MAST4: variants seen among roughly 807,000 people sequenced by gnomAD.
The protein encoded by MAST4 is microtubule associated serine/threonine kinase family member 4, also known as microtubule-associated serine/threonine-protein kinase 4.
A neutral mutation model predicts 162.7 loss-of-function variants in MAST4; 89 were observed. The observed-to-expected ratio is 0.55, with a 90% CI of 0.46 to 0.65. The LOEUF (loss-of-function observed/expected upper bound fraction) is 0.65, where lower values mean the gene tolerates loss of function less well. Among genes scored for constraint, MAST4 ranks in the 30% least tolerant of loss-of-function variants. The probability of loss-of-function intolerance (pLI) is 0.00; values close to 1 mark genes in which losing one functional copy is unlikely to be tolerated. For synonymous variants in MAST4, 1,479 were observed against 1,361.1 expected, an observed-to-expected ratio of 1.09 and a Z score of -1.91; for missense variants, 3,153 against 3,374.0, an observed-to-expected ratio of 0.93 and a Z score of 1.62.
chr5:66,966,309 G>A (rs1383243672), intron 4 of MAST4, among the ~76,000 whole-genome samples: 1 of 152,168 alleles, frequency 6.6e-6, no homozygotes. Flanking sequence ...GCCTCACTCT[G>A]TATATGGAAT....
intron 1 of MAST4, among the ~76,000 whole-genome samples, chr5:66,640,309 C>CTTTTTTTTTTTTT (rs770087325): frequency 7.1e-6 from 1 of 139,918 alleles, no homozygotes. Context: ...CAATTTGTTT[C>CTTTTTTTTTTTTT]TTTTTTTTTT....
At chr5:67,057,465 G>A (rs773325986) in intron 5 of MAST4, among the ~76,000 whole-genome samples, 42 of 151,900 alleles carry the variant, frequency 2.8e-4, no homozygotes, top group Non-Finnish European at 5.6e-4. Flanking sequence ...TTTGTGTAGG[G>A]GTGTCAGCAG....
intron 3 of MAST4, among the ~76,000 whole-genome samples, chr5:66,864,229 A>G (rs1380284035): frequency 6.6e-6 from 1 of 152,206 alleles, no homozygotes; most frequent in Non-Finnish European, 1.5e-5. Flanking sequence ...GAGTGATGGG[A>G]GCATCCCTCT....
chr5:66,934,847 G>A (rs763115278), intron 4 of MAST4, among the ~76,000 whole-genome samples: 1 of 152,148 alleles, frequency 6.6e-6, no homozygotes, highest in African/African-American at 2.4e-5. Flanking sequence ...TGAGTAAAAA[G>A]GTCTCTGCCG....
At chr5:66,958,059 A>T (rs1745530945) in intron 4 of MAST4, among the ~76,000 whole-genome samples, 1 of 152,188 alleles carries the variant, frequency 6.6e-6, no homozygotes, top group East Asian at 1.9e-4. Context: ...AGCCTTTGAA[A>T]TATAACTGCT....
intron 12 of MAST4, 170 bp downstream of exon 12, chr5:67,114,389 T>C: frequency 1.4e-6 from 1 of 738,108 alleles, no homozygotes; most frequent in Admixed American, 3.4e-5. Context: ...AAATGGGTCC[T>C]GAGACACGAA....
chr5:67,059,765 A>G (rs1759315238), intron 5 of MAST4, among the ~76,000 whole-genome samples: 1 of 148,608 alleles, frequency 6.7e-6, no homozygotes, highest in Non-Finnish European at 1.5e-5. Context: ...TTTAGGAGTT[A>G]TTAAAGATAG....
intron 3 of MAST4, among the ~76,000 whole-genome samples, chr5:66,893,431 T>G (rs544193120): frequency 3.2e-4 from 49 of 152,106 alleles, no homozygotes; most frequent in African/African-American, 1.0e-3. Context: ...TTTCACCGTT[T>G]TGGCCAGGCT....
At chr5:66,784,092 C>A (rs948195051) in intron 2 of MAST4, among the ~76,000 whole-genome samples, 1 of 152,004 alleles carries the variant, frequency 6.6e-6, no homozygotes, top group Non-Finnish European at 1.5e-5. Context: ...TACCTCTTTG[C>A]TCCCATTCCC....
At chr5:67,000,387 T>C (rs1751142970) in intron 4 of MAST4, among the ~76,000 whole-genome samples, 1 of 152,136 alleles carries the variant, frequency 6.6e-6, no homozygotes, top group Non-Finnish European at 1.5e-5. Context: ...AGAATCTAAG[T>C]TCAAGACAAG....
intron 9 of MAST4, 70 bp from the exon 10 acceptor site, chr5:67,104,294 ATG>A: frequency 8.3e-7 from 1 of 1,206,062 alleles, no homozygotes; most frequent in South Asian, 1.2e-5. Context: ...TGCTGTAAAA[ATG>A]TGATGATTGA....
chr5:67,078,914 A>AAATAAATATATATATAT (rs61003105), intron 5 of MAST4, among the ~76,000 whole-genome samples: 3 of 39,672 alleles, frequency 7.6e-5, no homozygotes, highest in African/African-American at 5.6e-4. Context: ...TTATATAAAT[A>AAATAAATATATATATAT]TATATATATA....
At chr5:66,759,593 TG>T in intron 1 of MAST4, 115 bp from the exon 2 acceptor site, 1 of 1,307,350 alleles carries the variant, frequency 7.6e-7, no homozygotes, top group Non-Finnish European at 1.1e-6. Flanking sequence ...AACACAGTGT[TG>T]GGAGAATGGA....
intron 1 of MAST4, among the ~76,000 whole-genome samples, chr5:66,640,160 A>G (rs1053962715): frequency 1.2e-4 from 19 of 152,242 alleles, no homozygotes; most frequent in African/African-American, 4.6e-4. Context: ...ATATGAGATA[A>G]TGCAGTATTT....
chr5:67,129,292 C>T (rs961864205), intron 14 of MAST4, among the ~76,000 whole-genome samples: 3 of 152,086 alleles, frequency 2.0e-5, no homozygotes, highest in African/African-American at 4.8e-5. Context: ...AGGACAGCCC[C>T]GTATAATGTG....
intron 4 of MAST4, among the ~76,000 whole-genome samples, chr5:67,023,669 C>G (rs1754268013): frequency 6.6e-6 from 1 of 152,058 alleles, no homozygotes; most frequent in Admixed American, 6.6e-5. Flanking sequence ...ATGGCTGTAA[C>G]TCTTTTGAGA....
chr5:66,837,864 TTA>T (rs1209782576), intron 3 of MAST4, among the ~76,000 whole-genome samples: 3,202 of 82,446 alleles, frequency 0.039, 94 homozygotes, highest in South Asian at 0.056. Context: ...AGACTTGATT[TTA>T]TATATATATA....
intron 5 of MAST4, among the ~76,000 whole-genome samples, chr5:67,081,585 C>G (rs1234892820): frequency 1.3e-5 from 2 of 152,092 alleles, no homozygotes; most frequent in African/African-American, 2.4e-5. Context: ...AATTCTAAGG[C>G]TATGGTTCTC....
At chr5:67,143,169 T>C (rs1060710) in intron 21 of MAST4, 106,515 of 151,770 alleles carry the variant, frequency 0.7, 39,232 homozygotes, top group Non-Finnish European at 0.81. Context: ...GCCTCTAATC[T>C]CAGCACTTAG....
Sources: allele counts gnomAD v4.1 joint callset (sites outside exome capture counted in the v4.1 genomes callset), GRCh38; gene constraint gnomAD v4.1.1; transcripts MANE v1.5; gene names NCBI Gene and HGNC (gene_info 2026-07-23, HGNC 2026-07-21).